PTPRD: variants seen among roughly 807,000 people sequenced by gnomAD.
The protein encoded by PTPRD is protein tyrosine phosphatase receptor type D.
PTPRD carries 34 observed loss-of-function variants against 214.5 expected under a neutral mutation model. The observed-to-expected ratio is 0.16, with a 90% CI of 0.12 to 0.21. The LOEUF (loss-of-function observed/expected upper bound fraction) is 0.21. Among genes scored for constraint, PTPRD ranks in the 10% least tolerant of loss-of-function variants. The pLI is 1.00. For synonymous variants in PTPRD, 1,128 were observed against 845.7 expected (o/e 1.33, Z -5.79); for missense variants, 2,545 against 2,398.7 (o/e 1.06, Z -1.27).
chr9:9,108,451 C>G (rs1225793249), intron 10 of PTPRD, among the ~76,000 whole-genome samples: 1 of 152,078 alleles, frequency 6.6e-6, no homozygotes, highest in African/African-American at 2.4e-5. Context: ...ATTTACTAAA[C>G]AAATTTATAC....
In PTPRD at chr9:10,135,254, T is replaced by G. The variant is rs188225108; in HGVS notation, c.-544-101464A>C. On this transcript the variant is annotated intron_variant, in intron 3 of 45. Coordinates refer to ENST00000381196, the MANE Select transcript of PTPRD (RefSeq NM_002839.4). ...TATAGAAATCAAACCTAAGACAAACTGGCATTCTTGAGAGAGTAGTAGAGA... is the reference window on the plus strand; with the variant it reads ...TATAGAAATCAAACCTAAGACAAACGGGCATTCTTGAGAGAGTAGTAGAGA... Among the ~76,000 whole-genome samples, 118 of 152,222 alleles carry G rather than the reference T, an allele frequency of 7.8e-4. 1 individual carries two copies. The highest frequency in any genetic ancestry group is 2.5e-3 in the African/African-American group (105 of 41,522).
intron 5 of PTPRD, among the ~76,000 whole-genome samples, chr9:9,781,237 G>A (rs767133109): frequency 6.6e-6 from 1 of 152,176 alleles, no homozygotes; most frequent in South Asian, 2.1e-4. Flanking sequence ...ATATATCAAA[G>A]TAAAGATGTC....
At chr9:10,156,181 GGC>G (rs2099092160) in intron 3 of PTPRD, among the ~76,000 whole-genome samples, 1 of 149,672 alleles carries the variant, frequency 6.7e-6, no homozygotes, top group African/African-American at 2.5e-5. Context: ...TGCCAGCTTT[GGC>G]ATTGGTTTAC....
intron 6 of PTPRD, among the ~76,000 whole-genome samples, chr9:9,756,660 G>A (rs1405045131): frequency 2.6e-5 from 4 of 152,110 alleles, no homozygotes; most frequent in African/African-American, 9.7e-5. Context: ...TAGAGTTTGT[G>A]AATACATTGT....
chr9:9,989,458 G>C (rs1031145087), intron 4 of PTPRD, among the ~76,000 whole-genome samples: 2 of 152,140 alleles, frequency 1.3e-5, no homozygotes, highest in Non-Finnish European at 2.9e-5. Context: ...CCTGACTTCA[G>C]AGGGATGGCT....
chr9:8,451,161 G>C (rs1460386375), intron 33 of PTPRD, among the ~76,000 whole-genome samples: 1 of 152,176 alleles, frequency 6.6e-6, no homozygotes, highest in Non-Finnish European at 1.5e-5. Flanking sequence ...TTGATACAAA[G>C]GGGACGTGCA....
intron 6 of PTPRD, among the ~76,000 whole-genome samples, chr9:9,747,732 T>C (rs2154461520): frequency 6.6e-6 from 1 of 152,172 alleles, no homozygotes; most frequent in South Asian, 2.1e-4. Context: ...TGTGTATTTT[T>C]AGTAGAGACA....
At chr9:10,055,857 C>G (rs777595962) in intron 3 of PTPRD, among the ~76,000 whole-genome samples, 1 of 149,724 alleles carries the variant, frequency 6.7e-6, no homozygotes, top group Non-Finnish European at 1.5e-5. Context: ...CAAATGTATA[C>G]ATTATGTGTG....
At chr9:9,061,647 A>G (rs1414679756) in intron 10 of PTPRD, among the ~76,000 whole-genome samples, 4 of 152,080 alleles carry the variant, frequency 2.6e-5, no homozygotes, top group African/African-American at 9.7e-5. Flanking sequence ...ATGTAGCCAG[A>G]CTCCATTAAA....
intron 3 of PTPRD, among the ~76,000 whole-genome samples, chr9:10,165,881 G>A (rs1450108882): frequency 3.3e-5 from 5 of 150,552 alleles, no homozygotes; most frequent in Admixed American, 6.6e-5. Context: ...TAAAATTAAA[G>A]AACATTTAAA....
At chr9:9,010,953 A>T (rs2099509350) in intron 11 of PTPRD, among the ~76,000 whole-genome samples, 1 of 152,196 alleles carries the variant, frequency 6.6e-6, no homozygotes, top group African/African-American at 2.4e-5. Flanking sequence ...CATTATTTTT[A>T]AATTTTAATG....
intron 7 of PTPRD, among the ~76,000 whole-genome samples, chr9:9,630,065 G>T (rs531338406): frequency 6.6e-6 from 1 of 152,170 alleles, no homozygotes; most frequent in Non-Finnish European, 1.5e-5. Flanking sequence ...GGAGGACACA[G>T]GTTTTCTGGG....
At chr9:8,766,572 G>A (rs1355153343) in intron 11 of PTPRD, among the ~76,000 whole-genome samples, 1 of 152,120 alleles carries the variant, frequency 6.6e-6, no homozygotes, top group Non-Finnish European at 1.5e-5. Context: ...AATAAACACT[G>A]CAGCACAAAA....
chr9:10,103,270 ACTAT>A (rs2098581857), intron 3 of PTPRD, among the ~76,000 whole-genome samples: 1 of 150,846 alleles, frequency 6.6e-6, no homozygotes, highest in South Asian at 2.1e-4. Flanking sequence ...CCTTTTCATA[ACTAT>A]CTATATATTT....
At chr9:9,033,237 T>G (rs529620230) in intron 10 of PTPRD, among the ~76,000 whole-genome samples, 1 of 152,114 alleles carries the variant, frequency 6.6e-6, no homozygotes, top group Non-Finnish European at 1.5e-5. Flanking sequence ...CAAGAATGTG[T>G]GACAGAGTTA....
intron 14 of PTPRD, among the ~76,000 whole-genome samples, chr9:8,618,866 TTGTGTGTGTGTGTGTG>T (rs371767469): frequency 7.6e-6 from 1 of 130,928 alleles, no homozygotes; most frequent in African/African-American, 2.9e-5. Context: ...CCAGCTAATT[TTGTGTGTGTGTGTGTG>T]TGTGTGTGTG....
chr9:9,358,334 C>T (rs907725881), intron 9 of PTPRD, among the ~76,000 whole-genome samples: 19 of 151,082 alleles, frequency 1.3e-4, no homozygotes, highest in African/African-American at 4.6e-4. Flanking sequence ...TTTTAAGCAG[C>T]ATGTATTCTT....
At chr9:10,553,648 A>G (rs942089676) in intron 2 of PTPRD, among the ~76,000 whole-genome samples, 10 of 152,164 alleles carry the variant, frequency 6.6e-5, no homozygotes, top group African/African-American at 2.2e-4. Flanking sequence ...ACTCTTTCTA[A>G]AGTGGCATGT....
chr9:9,753,385 T>C (rs1051787630), intron 6 of PTPRD, among the ~76,000 whole-genome samples: 1 of 152,052 alleles, frequency 6.6e-6, no homozygotes, highest in African/African-American at 2.4e-5. Flanking sequence ...CTGGTATAGT[T>C]AAGTGTCTGT....
Sources: gnomAD v4.1 joint callset for allele counts (sites outside exome capture counted in the v4.1 genomes callset) on GRCh38, gnomAD v4.1.1 for gene constraint, MANE v1.5 for transcripts, NCBI Gene and HGNC (gene_info 2026-07-23, HGNC 2026-07-21) for gene names.